Variants in SORBS2 observed in about 807,000 individuals in gnomAD.
The protein encoded by SORBS2 is sorbin and SH3 domain containing 2, also known as sorbin and SH3 domain-containing protein 2.
Under a neutral mutation model 97.7 loss-of-function variants are expected in SORBS2, and 46 were observed. The observed-to-expected ratio is 0.47, with a 90% CI of 0.37 to 0.60. SORBS2 has a LOEUF of 0.60. Among genes scored for constraint, SORBS2 ranks in the 20% least tolerant of loss-of-function variants. The probability of loss-of-function intolerance (pLI) is 0.00; values close to 1 mark genes in which losing one functional copy is unlikely to be tolerated. For synonymous variants in SORBS2, 476 were observed against 473.4 expected (o/e 1.01, Z -0.07); for missense variants, 1,316 against 1,282.3 (o/e 1.03, Z -0.40).
intron 1 of SORBS2, among the ~76,000 whole-genome samples, chr4:185,950,855 C>G (rs923999767): frequency 1.3e-5 from 2 of 152,132 alleles, no homozygotes; most frequent in Non-Finnish European, 2.9e-5. Flanking sequence ...TTGAATGTCT[C>G]TAAGAGCAGA....
chr4:185,631,789 AAAAAC>A (rs779345172), intron 4 of SORBS2, among the ~76,000 whole-genome samples: 20 of 137,592 alleles, frequency 1.5e-4, no homozygotes, highest in Admixed American at 5.4e-4. Flanking sequence ...AAAACAACAA[AAAAAC>A]AAAACAAAAC....
chr4:185,766,495 C>A (rs1001672394), intron 2 of SORBS2, among the ~76,000 whole-genome samples: 2 of 110,458 alleles, frequency 1.8e-5, no homozygotes, highest in African/African-American at 3.9e-5. Context: ...TATTTGAAAA[C>A]CACATTTAAT....
chr4:185,899,946 G>T (rs2099246835), intron 1 of SORBS2, among the ~76,000 whole-genome samples: 1 of 152,130 alleles, frequency 6.6e-6, no homozygotes, highest in African/African-American at 2.4e-5. Context: ...TAAGATAGAG[G>T]CAACGGCACT....
intron 1 of SORBS2, among the ~76,000 whole-genome samples, chr4:185,816,116 G>T (rs953561784): frequency 9.2e-5 from 14 of 152,176 alleles, no homozygotes; most frequent in South Asian, 6.2e-4. Context: ...AAACAAGTTT[G>T]CTATTTCCCT....
intron 1 of SORBS2, among the ~76,000 whole-genome samples, chr4:185,786,974 C>T (rs2153640824): frequency 5.3e-5 from 5 of 95,026 alleles, no homozygotes; most frequent in Non-Finnish European, 7.8e-5. Context: ...TTTTGAGGCT[C>T]TGTCTCAAAA....
At chr4:185,795,459 C>A (rs1204517790) in intron 1 of SORBS2, among the ~76,000 whole-genome samples, 1 of 152,154 alleles carries the variant, frequency 6.6e-6, no homozygotes, top group Non-Finnish European at 1.5e-5. Flanking sequence ...TCCTGCCCAG[C>A]CTCTCTCTGA....
At chr4:185,863,826 A>C (rs1242779763) in intron 1 of SORBS2, among the ~76,000 whole-genome samples, 1 of 152,328 alleles carries the variant, frequency 6.6e-6, no homozygotes, top group East Asian at 1.9e-4. Context: ...TAACCTCTTC[A>C]TTATAAGCCT....
chr4:185,712,768 G>A (rs1434063850), intron 2 of SORBS2, among the ~76,000 whole-genome samples: 2 of 152,174 alleles, frequency 1.3e-5, no homozygotes, highest in Admixed American at 1.3e-4. Flanking sequence ...GCTTGCTGGT[G>A]CACTCCCTCC....
At chr4:185,757,941 G>A (rs1166869142) in intron 2 of SORBS2, among the ~76,000 whole-genome samples, 2 of 152,232 alleles carry the variant, frequency 1.3e-5, no homozygotes, top group Admixed American at 1.3e-4. Context: ...AATCTGGTGA[G>A]CCACTGATGG....
chr4:185,756,170 A>G (rs1332880879), intron 2 of SORBS2, among the ~76,000 whole-genome samples: 1 of 152,186 alleles, frequency 6.6e-6, no homozygotes, highest in Non-Finnish European at 1.5e-5. Context: ...ATCGAATACA[A>G]GATGCTCAAC....
intron 2 of SORBS2, among the ~76,000 whole-genome samples, chr4:185,722,803 G>A (rs1195995377): frequency 6.6e-6 from 1 of 152,126 alleles, no homozygotes; most frequent in African/African-American, 2.4e-5. Flanking sequence ...CACTTTTAAT[G>A]TCACCCAAAA....
At chr4:185,865,736 C>T (rs2099226511) in intron 1 of SORBS2, among the ~76,000 whole-genome samples, 1 of 152,214 alleles carries the variant, frequency 6.6e-6, no homozygotes, top group South Asian at 2.1e-4. Context: ...AATGTGACCT[C>T]TGGTTCTGGT....
In SORBS2 at chr4:185,747,035, A is replaced by G. The variant is rs551664933; in HGVS notation, c.-198+28192T>C. Among the ~76,000 whole-genome samples, 3 of 152,208 alleles carry G rather than the reference A, an allele frequency of 2.0e-5. No individual in the cohort carries two copies. The South Asian group carries it at 6.2e-4, about 32-fold the overall frequency. On this transcript the variant is annotated intron_variant, in intron 2 of 20. Coordinates refer to the SORBS2 transcript ENST00000284776. ...GTGCCGGGCGCAGTGGCTCACGCCT[A>G]TGATGCCACTGCACTCCAGCCTGGG...
At chr4:185,589,503 C>G (rs2095869773) in intron 14 of SORBS2, among the ~76,000 whole-genome samples, 176 bp downstream of exon 26, 1 of 152,190 alleles carries the variant, frequency 6.6e-6, no homozygotes, top group South Asian at 2.1e-4. Context: ...GCAGTGAATA[C>G]TAAACTATAT....
chr4:185,657,484 G>A (rs1414434405), upstream of SORBS2: 2 of 1,568,236 alleles, frequency 1.3e-6, no homozygotes, highest in Non-Finnish European at 1.7e-6. Context: ...GGTAATGCGG[G>A]GCTTTGATGA....
chr4:185,804,866 A>T (rs530076982), intron 1 of SORBS2, among the ~76,000 whole-genome samples: 1 of 142,536 alleles, frequency 7.0e-6, no homozygotes, highest in African/African-American at 2.4e-5. Flanking sequence ...TGCAGCTTCT[A>T]TGGTTTTTTT....
chr4:185,818,627 C>T (rs991446170), intron 1 of SORBS2, among the ~76,000 whole-genome samples: 5 of 152,026 alleles, frequency 3.3e-5, no homozygotes, highest in African/African-American at 1.2e-4. Context: ...GAGATCGAGA[C>T]CATCCTGGCT....
intron 1 of SORBS2, among the ~76,000 whole-genome samples, chr4:185,945,900 G>C (rs906643887): frequency 5.9e-5 from 9 of 152,158 alleles, no homozygotes; most frequent in African/African-American, 2.2e-4. Context: ...CAGTCAGAAA[G>C]GCAAGGGTGG....
chr4:185,889,516 G>C (rs552671997), intron 1 of SORBS2, among the ~76,000 whole-genome samples: 1 of 151,832 alleles, frequency 6.6e-6, no homozygotes, highest in Non-Finnish European at 1.5e-5. Flanking sequence ...TGATGCTGTT[G>C]CACCTAACTC....
Sources: gnomAD v4.1 joint callset for allele counts (sites outside exome capture counted in the v4.1 genomes callset) on GRCh38, gnomAD v4.1.1 for gene constraint, MANE v1.5 for transcripts, NCBI Gene and HGNC (gene_info 2026-07-23, HGNC 2026-07-21) for gene names.